The following CHD2 variants were observed in gnomAD, a reference collection of about 807,000 sequenced individuals.
The protein encoded by CHD2 is ATP-dependent chromatin remodeler CHD2.
Under a neutral mutation model 243.9 loss-of-function variants are expected in CHD2, and 28 were observed. That is an observed-to-expected ratio of 0.11 (90% CI 0.09 to 0.16). The LOEUF (loss-of-function observed/expected upper bound fraction) is 0.16. Among genes scored for constraint, CHD2 ranks in the 10% least tolerant of loss-of-function variants. The pLI is 1.00. For missense variants in CHD2, 1,386 were observed against 2,209.8 expected, an observed-to-expected ratio of 0.63 and a Z score of 7.47; for synonymous variants, 775 against 779.0, an observed-to-expected ratio of 0.99 and a Z score of 0.09.
chr15:92,959,718 C>T (rs981066495), intron 16 of CHD2, among the ~76,000 whole-genome samples: 1 of 152,252 alleles, frequency 6.6e-6, no homozygotes, highest in African/African-American at 2.4e-5. Flanking sequence ...TCTCGAACTC[C>T]TGACCTCAAG....
chr15:93,009,359 G>A, intron 35 of CHD2, 36 bp downstream of exon 35: 1 of 1,594,416 alleles, frequency 6.3e-7, no homozygotes, highest in Non-Finnish European at 8.6e-7. Flanking sequence ...AGTTTGATTT[G>A]ACTGAGTGTG....
chr15:92,959,029 C>T (rs1229880347), intron 16 of CHD2, among the ~76,000 whole-genome samples: 2 of 152,180 alleles, frequency 1.3e-5, no homozygotes, highest in East Asian at 1.9e-4. Context: ...TATTTTATCC[C>T]AATCTGTGGC....
rs2053405401 is a variant in CHD2, at chr15:92,942,896, G to A, written c.880G>A (p.Gly294Ser). 5 of 1,613,944 alleles carry A rather than the reference G, an allele frequency of 3.1e-6. No homozygotes were observed. The highest frequency in any genetic ancestry group is 4.2e-6 in the Non-Finnish European group (5 of 1,179,954). ...GATTGAAGCTAATGGCGACCCTAGTGGTGACTTTGACACTGAAAAGGATGA... is the reference window on the plus strand; with the variant it reads ...GATTGAAGCTAATGGCGACCCTAGTAGTGACTTTGACACTGAAAAGGATGA... ...YAIEANGDPS[G>S]DFDTEKDEGE... The change falls in exon 9 of 39, where the codon GGT becomes AGT. Residue 294 changes from glycine (G) to serine (S), a missense_variant. Gly to Ser is a moderately conservative substitution (Grantham distance 56). Coordinates refer to ENST00000394196, the MANE Select transcript of CHD2 (RefSeq NM_001271.4).
chr15:93,022,346 CAG>C (rs1465123646), intron 38 of CHD2, among the ~76,000 whole-genome samples: 4 of 152,140 alleles, frequency 2.6e-5, no homozygotes, highest in Non-Finnish European at 5.9e-5. Context: ...CACGTGAACT[CAG>C]AGAACTCACT....
chr15:92,928,979 A>C (rs1445950559), intron 4 of CHD2, 51 bp from the exon 5 acceptor site: 4 of 1,548,860 alleles, frequency 2.6e-6, no homozygotes, highest in Non-Finnish European at 3.5e-6. Flanking sequence ...GTTGTCCCGA[A>C]GAACTGTGAA....
At chr15:92,984,596 C>T in intron 25 of CHD2, 96 bp downstream of exon 25, 1 of 1,197,544 alleles carries the variant, frequency 8.4e-7, no homozygotes, top group Non-Finnish European at 1.1e-6. Flanking sequence ...CATTGTTCCC[C>T]TGACACAGAG....
At chr15:93,003,791 C>G (rs1036987804) in intron 33 of CHD2, among the ~76,000 whole-genome samples, 4 of 120,524 alleles carry the variant, frequency 3.3e-5, no homozygotes, top group Non-Finnish European at 5.6e-5. Flanking sequence ...TAGTGTATAT[C>G]CATATAACTA....
intron 6 of CHD2, among the ~76,000 whole-genome samples, chr15:92,937,883 C>G (rs2053292267): frequency 2.0e-5 from 3 of 152,202 alleles, no homozygotes; most frequent in South Asian, 2.1e-4. Context: ...GGTACAGTCT[C>G]TTTTTGGGAG....
intron 16 of CHD2, among the ~76,000 whole-genome samples, chr15:92,962,251 TTTTCTC>T (rs1322784657): frequency 1.3e-5 from 2 of 151,830 alleles, no homozygotes; most frequent in Admixed American, 1.3e-4. Flanking sequence ...AATTTTCTCT[TTTTCTC>T]TTAAGATACA....
chr15:93,018,376 G>T (rs181745269), intron 37 of CHD2, among the ~76,000 whole-genome samples: 1 of 152,262 alleles, frequency 6.6e-6, no homozygotes, highest in East Asian at 1.9e-4. Context: ...TTCCTTAATG[G>T]TGTTGTTCTT....
rs142106822 is a variant in CHD2 at position 92,975,376 on chromosome 15, C to T, written c.2577+426C>T. Among the ~76,000 whole-genome samples the T allele has an allele frequency of 8.5e-5, 13 of 152,248 alleles. No individual in the cohort carries two copies. In the East Asian group the frequency reaches 2.1e-3, roughly 25 times the overall value. On this transcript the variant is annotated intron_variant, in intron 20 of 38. Transcript: ENST00000394196. ...CAGTGTGGCTTAATGTTCTTGCTCT[C>T]GCTAACAGCAACATTTTACAATCAG...
At position 92,984,265 on chromosome 15, in the gene CHD2, A is replaced by G. The variant is rs567200092; in HGVS notation, c.3067-65A>G. The G allele has an allele frequency of 2.4e-4, 300 of 1,260,094 alleles. 1 individual carries two copies. In the African/African-American group the frequency reaches 4.2e-3, roughly 18 times the overall value. The allele number at this position is 1,260,094 out of a possible 1,614,324, so 78.1% of individuals were successfully genotyped here. On this transcript the variant is annotated intron_variant, in intron 24 of 38. Coordinates refer to ENST00000394196, the MANE Select transcript of CHD2 (RefSeq NM_001271.4). The stretch of plus-strand genomic sequence containing the variant: ...GTCTACTTAGATAAAAACACTGGAT[A>G]AATTGTTTTAGTAGATGGTGTTTAG...
intron 37 of CHD2, among the ~76,000 whole-genome samples, 187 bp from the exon 38 acceptor site, chr15:93,019,825 T>G (rs189637111): frequency 6.6e-6 from 1 of 151,976 alleles, no homozygotes; most frequent in Non-Finnish European, 1.5e-5. Flanking sequence ...TCCCATCTAC[T>G]TGGGAGGCTG....
intron 35 of CHD2, among the ~76,000 whole-genome samples, chr15:93,011,135 G>A (rs1223224578): frequency 6.6e-6 from 1 of 151,186 alleles, no homozygotes; most frequent in African/African-American, 2.4e-5. Context: ...GGTCATCCCA[G>A]TGAACAGACC....
chr15:92,906,664 CTTTTT>C (rs66638937), intron 2 of CHD2, among the ~76,000 whole-genome samples: 8 of 128,856 alleles, frequency 6.2e-5, no homozygotes, highest in Non-Finnish European at 9.7e-5. Context: ...TATGAGCCAT[CTTTTT>C]TTTTTTTTTT....
intron 2 of CHD2, chr15:92,902,179 T>A (rs1172563691): frequency 1.0e-5 from 4 of 397,860 alleles, no homozygotes; most frequent in Non-Finnish European, 1.3e-5. Flanking sequence ...GACAGAGTCG[T>A]CTGGAATGCT....
chr15:92,972,468 C>G, intron 19 of CHD2, 51 bp downstream of exon 19: 1 of 1,479,740 alleles, frequency 6.8e-7, no homozygotes, highest in Admixed American at 2.2e-5. Flanking sequence ...CTCTCTCCGC[C>G]TCCCCTCCCC....
intron 2 of CHD2, 43 bp from the exon 3 acceptor site, chr15:92,924,278 C>G: frequency 1.3e-6 from 2 of 1,551,192 alleles, no homozygotes; most frequent in Non-Finnish European, 8.9e-7. Context: ...ATTCATGTGT[C>G]AGTTCTTAAA....
intron 2 of CHD2, among the ~76,000 whole-genome samples, chr15:92,906,031 TTC>T (rs1298748508): frequency 1.3e-5 from 2 of 152,236 alleles, no homozygotes; most frequent in African/African-American, 4.8e-5. Flanking sequence ...ATATGAACTA[TTC>T]TGTTATTTAA....
Sources: gnomAD v4.1 joint callset for allele counts (sites outside exome capture counted in the v4.1 genomes callset) on GRCh38, gnomAD v4.1.1 for gene constraint, MANE v1.5 for transcripts, NCBI Gene and HGNC (gene_info 2026-07-23, HGNC 2026-07-21) for gene names.